SLC16A1: variants seen among roughly 807,000 people sequenced by gnomAD.
SLC16A1 encodes solute carrier family 16 member 1, also known as monocarboxylate transporter 1.
In SLC16A1, 11 loss-of-function variants were observed where a neutral mutation model predicts 32.2. The observed-to-expected ratio is 0.34, with a 90% CI of 0.21 to 0.56. The LOEUF (loss-of-function observed/expected upper bound fraction) is 0.56, where lower values mean the gene tolerates loss of function less well. Among genes scored for constraint, SLC16A1 ranks in the 20% least tolerant of loss-of-function variants. The probability of loss-of-function intolerance (pLI) is 0.87; values close to 1 mark genes in which losing one functional copy is unlikely to be tolerated. For synonymous variants in SLC16A1, 231 were observed against 226.8 expected (o/e 1.02, Z -0.17); for missense variants, 435 against 615.0 (o/e 0.71, Z 3.10).
chr1:112,927,318 A>C (rs1003102456), intron 2 of SLC16A1, among the ~76,000 whole-genome samples: 6 of 152,126 alleles, frequency 3.9e-5, no homozygotes, highest in Non-Finnish European at 8.8e-5. Context: ...ACAAATAAAC[A>C]AACCAAAAGT....
chr1:112,919,318 G>A (rs1002305745), intron 3 of SLC16A1, among the ~76,000 whole-genome samples: 1 of 152,178 alleles, frequency 6.6e-6, no homozygotes, highest in African/African-American at 2.4e-5. Context: ...ACAGGCGTAA[G>A]CCACCGCACC....
intron 4 of SLC16A1, among the ~76,000 whole-genome samples, chr1:112,916,521 A>C (rs1648518369): frequency 6.6e-6 from 1 of 151,298 alleles, no homozygotes; most frequent in Admixed American, 6.6e-5. Flanking sequence ...AAAAAAAAAA[A>C]ACTTATGTGA....
At chr1:112,919,176 G>A (rs1020803123) in intron 3 of SLC16A1, among the ~76,000 whole-genome samples, 1 of 151,540 alleles carries the variant, frequency 6.6e-6, no homozygotes, top group Non-Finnish European at 1.5e-5. Context: ...GACTACAGGC[G>A]CCCGCCACCA....
In SLC16A1 at chr1:112,917,570, G is replaced by A; in HGVS notation, c.836C>T (p.Ala279Val). ...GNVIMFFGLF[A>V]PLVFLSSYGK... Reference sequence around the variant, plus strand: ...ATAACTACTAAGAAACACCAAAGGTGCAAAGAGTCCAAAAAACATGATCAC... The same window carrying A: ...ATAACTACTAAGAAACACCAAAGGTACAAAGAGTCCAAAAAACATGATCAC... The change falls in exon 4 of 5, where the codon GCA becomes GTA. Residue 279 changes from alanine (A) to valine (V), a missense_variant. By Grantham distance (64) the Ala-to-Val change is moderately conservative. Coordinates refer to ENST00000369626, the MANE Select transcript of SLC16A1 (RefSeq NM_003051.4). The surrounding 1 kb of genome is among the most constrained non-coding windows in gnomAD (Gnocchi z 4.1). 1.2e-6 allele frequency: 2 copies of A among 1,614,210 alleles called. No homozygotes were observed. Among genetic ancestry groups the A allele is most frequent in the Non-Finnish European group, 8.5e-7 (1 of 1,180,034 alleles).
chr1:112,952,347 T>TA (rs1386611268), intron 1 of SLC16A1, among the ~76,000 whole-genome samples: 2 of 152,180 alleles, frequency 1.3e-5, no homozygotes, highest in African/African-American at 4.8e-5. Context: ...GCACCAACCT[T>TA]ACAAGGAAAA....
intron 1 of SLC16A1, among the ~76,000 whole-genome samples, chr1:112,931,452 C>T (rs1196056785): frequency 6.6e-6 from 1 of 151,798 alleles, no homozygotes; most frequent in African/African-American, 2.4e-5. Context: ...TCGAGACCAA[C>T]CTTATCAATA....
chr1:112,955,599 T>G (rs1650056550), intron 1 of SLC16A1: 1 of 152,282 alleles, frequency 6.6e-6, no homozygotes, highest in Non-Finnish European at 1.5e-5. Flanking sequence ...ATAAATAACT[T>G]CTGCCCCGAG....
At chr1:112,950,659 G>T (rs1217378669) in intron 1 of SLC16A1, among the ~76,000 whole-genome samples, 1 of 152,176 alleles carries the variant, frequency 6.6e-6, no homozygotes. Flanking sequence ...TGGTGTGGTG[G>T]ATGTGAACCC....
intron 2 of SLC16A1, chr1:112,923,404 G>T: frequency 1.6e-6 from 1 of 639,144 alleles, no homozygotes. Flanking sequence ...GGCTGTCGCA[G>T]TCTCCTGTTG....
chr1:112,921,791 C>T (rs971232138), intron 3 of SLC16A1, among the ~76,000 whole-genome samples, 199 bp downstream of exon 3: 1 of 152,198 alleles, frequency 6.6e-6, no homozygotes, highest in Non-Finnish European at 1.5e-5. Flanking sequence ...ATTCGACAAA[C>T]AATAAATATC....
chr1:112,925,340 A>G (rs1648903269), intron 2 of SLC16A1, among the ~76,000 whole-genome samples: 1 of 149,552 alleles, frequency 6.7e-6, no homozygotes, highest in African/African-American at 2.5e-5. Flanking sequence ...TGACCTATGT[A>G]TCAGTTTTTG....
At chr1:112,953,095 A>C (rs1358047924) in intron 1 of SLC16A1, among the ~76,000 whole-genome samples, 1 of 151,598 alleles carries the variant, frequency 6.6e-6, no homozygotes, top group East Asian at 1.9e-4. Flanking sequence ...ATTGCATCCA[A>C]AGTGATGTTC....
At chr1:112,924,466 C>T (rs1253932169) in intron 2 of SLC16A1, 4 of 744,748 alleles carry the variant, frequency 5.4e-6, no homozygotes, top group Non-Finnish European at 6.9e-6. Context: ...AAAAACCTAA[C>T]AGTAAAGTCA....
chr1:112,915,528 A>T (rs1471610821), intron 4 of SLC16A1, among the ~76,000 whole-genome samples: 1 of 152,176 alleles, frequency 6.6e-6, no homozygotes, highest in Non-Finnish European at 1.5e-5. Flanking sequence ...CCTGAAAGTA[A>T]TGGGAAGCAA....
chr1:112,914,070 C>A lies in SLC16A1; in HGVS notation c.1324G>T (p.Gly442Cys). The change falls in exon 5 of 5, where the codon GGC (glycine) becomes TGC (cysteine). Residue 442 changes from glycine (G) to cysteine (C), a missense_variant. This residue lies in a region of SLC16A1 where 111 missense variants were observed against 114.7 expected (regional missense o/e 0.97). Coordinates refer to ENST00000369626, the MANE Select transcript of SLC16A1 (RefSeq NM_003051.4). ...ISGIYLFIGM[G>C]INYRLLAKEQ... ...TTTGCCAAAAGTCGATAATTGATGC[C>A]CATGCCAATGAAGAGATAGATACCT... 1 of 1,614,126 alleles carries A rather than the reference C, an allele frequency of 6.2e-7. No individual in the cohort carries two copies. Among genetic ancestry groups the A allele is most frequent in the South Asian group, 1.1e-5 (1 of 91,082 alleles).
chr1:112,933,669 G>A (rs1017299853), intron 1 of SLC16A1, among the ~76,000 whole-genome samples: 5 of 152,112 alleles, frequency 3.3e-5, no homozygotes, highest in Admixed American at 6.5e-5. Context: ...GCTGAATGTC[G>A]TTGGTTATTT....
In SLC16A1 at chr1:112,922,073, C is replaced by G; in HGVS notation, c.278G>C (p.Gly93Ala). 1.2e-6 allele frequency: 2 copies of G among 1,614,132 alleles called. No individual in the cohort carries two copies. The highest frequency in any genetic ancestry group is 1.7e-6 in the Non-Finnish European group (2 of 1,180,014). The change falls in exon 3 of 5, where the codon GGC becomes GCC. Residue 93 changes from glycine (G) to alanine (A), a missense_variant. Gly to Ala is a moderately conservative substitution (Grantham distance 60, BLOSUM62 0). Coordinates refer to ENST00000369626, the MANE Select transcript of SLC16A1 (RefSeq NM_003051.4). The stretch of plus-strand genomic sequence containing the variant: ...AATCAAGCCACAGCCTGACAAGCAG[C>G]CACCAACAATCATGACTATACGACT... Reference protein sequence around the residue: ...YGSRIVMIVGGCLSGCGLIAA... With the variant: ...YGSRIVMIVGACLSGCGLIAA...
At chr1:112,920,597 CTG>C (rs1425184804) in intron 3 of SLC16A1, among the ~76,000 whole-genome samples, 2 of 151,486 alleles carry the variant, frequency 1.3e-5, no homozygotes, top group Non-Finnish European at 2.9e-5. Context: ...GAGAGTGAAA[CTG>C]TGTCTCAAAA....
chr1:112,939,606 A>G (rs889811034), intron 1 of SLC16A1, among the ~76,000 whole-genome samples: 1 of 152,000 alleles, frequency 6.6e-6, no homozygotes, highest in Non-Finnish European at 1.5e-5. Flanking sequence ...CCCAGGTTCA[A>G]GTGATTCTCC....
Sources: gnomAD v4.1 joint callset for allele counts (sites outside exome capture counted in the v4.1 genomes callset) on GRCh38, gnomAD v4.1.1 for gene constraint, gnomAD v4.1.1 regional missense constraint, Gnocchi (gnomAD v3.1) non-coding constraint, MANE v1.5 for transcripts, NCBI Gene and HGNC (gene_info 2026-07-23, HGNC 2026-07-21) for gene names.